The following BCAS3 variants were observed in gnomAD, a reference collection of about 807,000 sequenced individuals.
The protein encoded by BCAS3 is BCAS3 microtubule associated cell migration factor.
BCAS3 carries 53 observed loss-of-function variants against 116.1 expected under a neutral mutation model. That is an observed-to-expected ratio of 0.46 (90% CI 0.37 to 0.57). The LOEUF (loss-of-function observed/expected upper bound fraction) is 0.57, where lower values mean the gene tolerates loss of function less well. BCAS3 is among the 20% of genes least tolerant of loss of function. The pLI, the probability that BCAS3 is intolerant of heterozygous loss-of-function variation, is 0.00. For synonymous variants in BCAS3, 391 were observed against 408.2 expected (o/e 0.96, Z 0.51); for missense variants, 917 against 1,165.4 (o/e 0.79, Z 3.10).
chr17:61,166,524 A>G (rs758528632), intron 22 of BCAS3, among the ~76,000 whole-genome samples: 34 of 150,270 alleles, frequency 2.3e-4, no homozygotes, highest in Admixed American at 1.3e-3. Flanking sequence ...CTGCCTCCCA[A>G]GTAGCTGGGA....
At chr17:60,862,507 C>G (rs1236429627) in intron 7 of BCAS3, among the ~76,000 whole-genome samples, 1 of 152,010 alleles carries the variant, frequency 6.6e-6, no homozygotes, top group Non-Finnish European at 1.5e-5. Context: ...TTGTTCTGTT[C>G]AGGGTTTTAA....
intron 14 of BCAS3, among the ~76,000 whole-genome samples, chr17:60,976,339 G>A (rs1343015500): frequency 2.7e-5 from 4 of 150,336 alleles, no homozygotes; most frequent in African/African-American, 9.8e-5. Flanking sequence ...GTTTTTGTAT[G>A]AACGTATGTT....
chr17:61,116,829 C>T (rs1048803281), intron 22 of BCAS3, among the ~76,000 whole-genome samples: 65 of 152,108 alleles, frequency 4.3e-4, no homozygotes, highest in African/African-American at 2.9e-4. Flanking sequence ...TTTGAGCCTC[C>T]GTGTTTTCTG....
chr17:60,846,909 C>A (rs2052589308), intron 7 of BCAS3, among the ~76,000 whole-genome samples: 1 of 152,138 alleles, frequency 6.6e-6, no homozygotes, highest in Non-Finnish European at 1.5e-5. Flanking sequence ...TCACCACAAC[C>A]ACTAGTTACA....
At chr17:60,872,671 CACAT>C (rs759282894) in intron 8 of BCAS3, among the ~76,000 whole-genome samples, 2 of 150,650 alleles carry the variant, frequency 1.3e-5, no homozygotes, top group South Asian at 2.1e-4. Context: ...TGTATATACA[CACAT>C]ACACACACAT....
At chr17:60,983,558 T>C (rs79437766) in intron 14 of BCAS3, among the ~76,000 whole-genome samples, 3,145 of 152,258 alleles carry the variant, frequency 0.021, 57 homozygotes, top group Non-Finnish European at 0.034. Flanking sequence ...CAGAATCACT[T>C]CTCTATTAGC....
chr17:60,870,377 A>G (rs1325378183), intron 8 of BCAS3, among the ~76,000 whole-genome samples: 1 of 152,192 alleles, frequency 6.6e-6, no homozygotes, highest in Non-Finnish European at 1.5e-5. Context: ...GTTCACTCCC[A>G]GAAGCATAGG....
Position 61,140,547 on chromosome 17 carries a change from A to G in BCAS3, c.2425+55983A>G, listed in dbSNP as rs1601534920. On this transcript the variant is annotated intron_variant, in intron 22 of 23. Coordinates refer to ENST00000407086, the MANE Select transcript of BCAS3 (RefSeq NM_017679.5). This position sits in a 1 kb window ranked among gnomAD's most constrained non-coding sequence, Gnocchi z 4.2. ...CCAAGTAATCACTGCAAGTGGATTC[A>G]ATTTGTAAAGTCACATAAAAGTTGC... 6.6e-6 allele frequency among the ~76,000 whole-genome samples: 1 copy of G among 152,310 alleles called. No individual in the cohort carries two copies.
Position 61,208,291 on chromosome 17 carries a change from TCTC to T in BCAS3, c.2425+123732_2425+123734del, listed in dbSNP as rs2081263213. Among the ~76,000 whole-genome samples, 1 of 152,198 alleles carries T rather than the reference TCTC, an allele frequency of 6.6e-6. No homozygotes were observed. The highest frequency in any genetic ancestry group is 2.1e-4 in the South Asian group (1 of 4,834). ...TTCATTTTGTCTAAAGCGGGACTCT[TCTC>T]CTCCCAGGGACCAGAGAATTTTCTT... On this transcript the variant is annotated intron_variant, in intron 22 of 23. Coordinates refer to ENST00000407086, the MANE Select transcript of BCAS3 (RefSeq NM_017679.5). The surrounding 1 kb of genome is among the most constrained non-coding windows in gnomAD (Gnocchi z 4.5).
At chr17:60,838,793 A>G (rs2051610721) in intron 7 of BCAS3, among the ~76,000 whole-genome samples, 1 of 152,194 alleles carries the variant, frequency 6.6e-6, no homozygotes, top group Non-Finnish European at 1.5e-5. Context: ...ATCATGCTGT[A>G]CTTATGCATG....
intron 13 of BCAS3, among the ~76,000 whole-genome samples, chr17:60,944,654 T>A (rs1032769877): frequency 6.6e-6 from 1 of 152,084 alleles, no homozygotes; most frequent in Non-Finnish European, 1.5e-5. Flanking sequence ...TGAATCTAGC[T>A]GCTTATAATA....
At chr17:61,111,491 G>A (rs1023232368) in intron 22 of BCAS3, among the ~76,000 whole-genome samples, 2 of 152,022 alleles carry the variant, frequency 1.3e-5, no homozygotes, top group South Asian at 2.1e-4. Context: ...TATCAGCGAC[G>A]GAAGATGAAA....
chr17:61,365,981 A>G lies in BCAS3; in HGVS notation c.2426-2346A>G, dbSNP rs1342323685. 6.6e-6 allele frequency among the ~76,000 whole-genome samples: 1 copy of G among 152,058 alleles called. No homozygotes were observed. The highest frequency in any genetic ancestry group is 1.5e-5 in the Non-Finnish European group (1 of 68,002). ...TACATGGTGAAACCCCGTCTCTACT[A>G]AAAACACAAAAATTAGCCAGGCATG... On this transcript the variant is annotated intron_variant, in intron 22 of 23. Coordinates refer to ENST00000407086, the MANE Select transcript of BCAS3 (RefSeq NM_017679.5). The surrounding 1 kb of genome is among the most constrained non-coding windows in gnomAD (Gnocchi z 4.6).
chr17:60,885,834 C>T (rs1260063663), intron 9 of BCAS3, among the ~76,000 whole-genome samples: 1 of 145,412 alleles, frequency 6.9e-6, no homozygotes, highest in Admixed American at 6.7e-5. Context: ...TGATGGGCTT[C>T]CCTTTGAGGG....
chr17:60,890,038 T>C (rs963434301), intron 10 of BCAS3, among the ~76,000 whole-genome samples: 3 of 152,228 alleles, frequency 2.0e-5, no homozygotes, highest in Non-Finnish European at 4.4e-5. Context: ...TTCTATTAAT[T>C]TGCAGCATTG....
At position 61,130,634 on chromosome 17, in the gene BCAS3, G is replaced by A. The variant is rs2076280886; in HGVS notation, c.2425+46070G>A. 1 of 152,234 alleles carries A rather than the reference G, an allele frequency of 6.6e-6. No individual in the cohort carries two copies. The highest frequency in any genetic ancestry group is 6.5e-5 in the Admixed American group (1 of 15,282). 9.4% of individuals were successfully genotyped at this position (152,234 alleles called of 1,614,324 possible). A position where few individuals can be genotyped will look rare whatever the true frequency, so the allele number is the denominator to read the frequency against. On this transcript the variant is annotated intron_variant, in intron 22 of 23. Coordinates refer to ENST00000407086, the MANE Select transcript of BCAS3 (RefSeq NM_017679.5). The surrounding 1 kb of genome is among the most constrained non-coding windows in gnomAD (Gnocchi z 5.0). The stretch of plus-strand genomic sequence containing the variant: ...CAGGAAGTTCAAATGTTTGAATGGA[G>A]ATTTAAAAAGTCTAGCTATGCTTCT...
At chr17:60,828,051 G>T (rs1049176268) in intron 7 of BCAS3, among the ~76,000 whole-genome samples, 5 of 151,982 alleles carry the variant, frequency 3.3e-5, no homozygotes, top group African/African-American at 1.2e-4. Flanking sequence ...CAAGAAGGAT[G>T]CAGTCTTGAC....
chr17:61,150,530 A>G (rs2077488350), intron 22 of BCAS3, among the ~76,000 whole-genome samples: 1 of 152,244 alleles, frequency 6.6e-6, no homozygotes, highest in Non-Finnish European at 1.5e-5. Context: ...TGCTTGTTCT[A>G]GAAATAGAGA....
intron 22 of BCAS3, among the ~76,000 whole-genome samples, chr17:61,172,988 A>T (rs1347814174): frequency 6.6e-5 from 1 of 15,142 alleles, no homozygotes; most frequent in Non-Finnish European, 3.1e-4. Context: ...ATTCCATCTC[A>T]AATAAATAAA....
Sources: allele counts gnomAD v4.1 joint callset (sites outside exome capture counted in the v4.1 genomes callset), GRCh38; gene constraint gnomAD v4.1.1; non-coding constraint Gnocchi (gnomAD v3.1); transcripts MANE v1.5; gene names NCBI Gene and HGNC (gene_info 2026-07-23, HGNC 2026-07-21).